The following GATM variants were observed in gnomAD, a reference collection of about 807,000 sequenced individuals.
GATM encodes glycine amidinotransferase, mitochondrial.
In GATM, 23 loss-of-function variants were observed where a neutral mutation model predicts 54.2. The observed-to-expected ratio is 0.42, with a 90% CI of 0.31 to 0.60. The LOEUF is 0.60. Among genes scored for constraint, GATM ranks in the 20% least tolerant of loss-of-function variants. GATM has a pLI of 0.14. For synonymous variants in GATM, 168 were observed against 183.1 expected (o/e 0.92, Z 0.67); for missense variants, 401 against 544.9 (o/e 0.74, Z 2.63).
chr15:45,401,079 T>A (rs1311056929), intron 1 of GATM, among the ~76,000 whole-genome samples: 2 of 152,144 alleles, frequency 1.3e-5, no homozygotes, highest in Non-Finnish European at 2.9e-5. Flanking sequence ...ATGGGTGACT[T>A]ATCCATTTCA....
intron 2 of GATM, among the ~76,000 whole-genome samples, chr15:45,398,389 T>C (rs1889958442): frequency 6.6e-6 from 1 of 152,222 alleles, no homozygotes; most frequent in South Asian, 2.1e-4. Context: ...CAGAATGATG[T>C]TCTATGAACT....
chr15:45,380,707 T>A (rs1446730271), upstream of GATM: 1 of 152,104 alleles, frequency 6.6e-6, no homozygotes, highest in Non-Finnish European at 1.5e-5. Context: ...GAGTGTCTGG[T>A]AATAATGAAG....
intron 1 of GATM, chr15:45,377,426 T>A: frequency 2.7e-6 from 1 of 376,446 alleles, no homozygotes; most frequent in Non-Finnish European, 5.1e-6. Context: ...TGCCATCTGC[T>A]CCATTTTACA....
At chr15:45,391,143 G>T (rs1186177030) in intron 3 of GATM, among the ~76,000 whole-genome samples, 1 of 152,048 alleles carries the variant, frequency 6.6e-6, no homozygotes, top group Non-Finnish European at 1.5e-5. Flanking sequence ...AGTGGCTCAT[G>T]CCTGTAATCC....
chr15:45,376,966 T>C, intron 1 of GATM, 147 bp from the exon 2 acceptor site: 1 of 726,572 alleles, frequency 1.4e-6, no homozygotes, highest in African/African-American at 1.7e-5. Flanking sequence ...TAACAGTGTG[T>C]AGGTGGGTAG....
At chr15:45,399,701 C>G (rs1250996395) in intron 1 of GATM, 2 of 152,242 alleles carry the variant, frequency 1.3e-5, no homozygotes, top group East Asian at 3.8e-4. Context: ...CAACAGATGG[C>G]TTCATACACC....
chr15:45,366,542 C>G, intron 4 of GATM, 34 bp from the exon 5 acceptor site: 7 of 1,612,298 alleles, frequency 4.3e-6, no homozygotes, highest in Non-Finnish European at 5.9e-6. Context: ...ACACAATGCA[C>G]TGGATCATGA....
Position 45,361,960 on chromosome 15 carries a change from A to C in GATM, c.*149T>G. On this transcript the variant is annotated 3_prime_UTR_variant, in exon 9 of 9. Transcript: ENST00000396659. The stretch of plus-strand genomic sequence containing the variant: ...TATTTTCTTTATGTCAAAGAAAAGT[A>C]ATAGAAGCAAACCAGGCTTACGACC... The C allele has an allele frequency of 1.5e-6, 1 of 661,684 alleles. No individual in the cohort carries two copies. Among genetic ancestry groups the C allele is most frequent in the Non-Finnish European group, 2.7e-6 (1 of 364,560 alleles). The allele number at this position is 661,684 out of a possible 1,614,324, so 41.0% of individuals were successfully genotyped here.
Position 45,361,664 on chromosome 15 carries a change from T to C in GATM, c.*445A>G, listed in dbSNP as rs186280599. ...CTTTAGAAAAAAAGAGATAATCTGA[T>C]TCTATTTTGGATCTGTGTACATTCT... On this transcript the variant is annotated 3_prime_UTR_variant, in exon 9 of 9. Transcript: ENST00000396659. 8.7e-6 allele frequency: 3 copies of C among 343,594 alleles called. No individual in the cohort carries two copies. In the East Asian group the frequency reaches 1.3e-4, roughly 15 times the overall value. The allele number at this position is 343,594 out of a possible 1,614,324, so 21.3% of individuals were successfully genotyped here. A position where few individuals can be genotyped will look rare whatever the true frequency, so the allele number is the denominator to read the frequency against.
intron 1 of GATM, among the ~76,000 whole-genome samples, chr15:45,400,481 T>C (rs1239659805): frequency 6.6e-6 from 1 of 152,234 alleles, no homozygotes; most frequent in Non-Finnish European, 1.5e-5. Flanking sequence ...AGACTGGATC[T>C]TTTAGAGAAA....
chr15:45,371,796 CT>C (rs1322498260), intron 2 of GATM, among the ~76,000 whole-genome samples: 2 of 152,198 alleles, frequency 1.3e-5, no homozygotes, highest in Admixed American at 1.3e-4. Context: ...ACTGGAATTG[CT>C]TAACAAGTTC....
chr15:45,381,490 C>G (rs148277590), upstream of GATM, among the ~76,000 whole-genome samples: 104 of 152,218 alleles, frequency 6.8e-4, no homozygotes, highest in African/African-American at 2.4e-3. Context: ...ATTAAAAAAG[C>G]AAGTAAAGTC....
intron 8 of GATM, chr15:45,363,558 A>G (rs995444448): frequency 2.5e-6 from 1 of 397,318 alleles, no homozygotes; most frequent in Non-Finnish European, 4.5e-6. Flanking sequence ...TAAAGGACCC[A>G]CAATGATTTC....
chr15:45,396,762 C>T (rs1465600840), intron 3 of GATM, among the ~76,000 whole-genome samples: 7 of 148,680 alleles, frequency 4.7e-5, no homozygotes, highest in African/African-American at 1.5e-4. Flanking sequence ...CCCAGCTACT[C>T]GGGAGGCTGA....
At chr15:45,381,311 G>C (rs995763783), upstream of GATM, among the ~76,000 whole-genome samples, 4 of 152,118 alleles carry the variant, frequency 2.6e-5, no homozygotes, top group African/African-American at 9.7e-5. Flanking sequence ...CATAATTTAG[G>C]ATAGTGTGTG....
chr15:45,367,775 T>C (rs753872466), intron 4 of GATM, among the ~76,000 whole-genome samples: 1 of 152,152 alleles, frequency 6.6e-6, no homozygotes, highest in Non-Finnish European at 1.5e-5. Flanking sequence ...GGAATGATAC[T>C]ACAGTATGAT....
chr15:45,370,307 C>T, intron 2 of GATM, among the ~76,000 whole-genome samples: 1 of 149,208 alleles, frequency 6.7e-6, no homozygotes, highest in East Asian at 2.0e-4. Context: ...ACCCAGGAGG[C>T]AGAGGTTGCA....
Position 45,387,435 on chromosome 15 carries a change from A to G in GATM, c.-319+9487T>C, listed in dbSNP as rs1233570633. On this transcript the variant is annotated intron_variant, in intron 3 of 4. Coordinates refer to the GATM transcript ENST00000561148. ...TGATTAGATCAAACAGTACTATTTCATGGTATTCCTGTTTTTTTTTTTTTA... is the reference window on the plus strand; with the variant it reads ...TGATTAGATCAAACAGTACTATTTCGTGGTATTCCTGTTTTTTTTTTTTTA... Among the ~76,000 whole-genome samples the G allele has an allele frequency of 2.0e-5, 3 of 152,208 alleles. No homozygotes were observed. In the East Asian group the frequency reaches 5.8e-4, roughly 29 times the overall value.
chr15:45,387,713 C>T (rs749773730), intron 3 of GATM, among the ~76,000 whole-genome samples: 1 of 152,088 alleles, frequency 6.6e-6, no homozygotes, highest in Non-Finnish European at 1.5e-5. Context: ...GGAATTTGTA[C>T]CTCACTTTAA....
Sources: gnomAD v4.1 joint callset for allele counts (sites outside exome capture counted in the v4.1 genomes callset) on GRCh38, gnomAD v4.1.1 for gene constraint, MANE v1.5 for transcripts, NCBI Gene and HGNC (gene_info 2026-07-23, HGNC 2026-07-21) for gene names.